WIPF1: variants seen among roughly 807,000 people sequenced by gnomAD.
WIPF1 encodes WAS/WASL interacting protein family member 1, also known as WAS/WASL-interacting protein family member 1.
Under a neutral mutation model 35.4 loss-of-function variants are expected in WIPF1, and 13 were observed. The observed-to-expected ratio is 0.37, with a 90% CI of 0.24 to 0.58. The LOEUF (loss-of-function observed/expected upper bound fraction) is 0.58, where lower values mean the gene tolerates loss of function less well. Ranked by LOEUF, WIPF1 falls within the 20% of genes least tolerant of loss-of-function variation. WIPF1 has a pLI of 0.74. For missense variants in WIPF1, 591 were observed against 667.0 expected (o/e 0.89, Z 1.25); for synonymous variants, 267 against 266.3 (o/e 1.00, Z -0.02).
intron 1 of WIPF1, chr2:174,587,763 TCA>T (rs1353916495): frequency 1.3e-5 from 2 of 152,256 alleles, no homozygotes; most frequent in Non-Finnish European, 2.9e-5. Flanking sequence ...AGCAATTCAT[TCA>T]GTCATGTCCT....
At chr2:174,666,687 T>C (rs1687899070) in intron 1 of WIPF1, among the ~76,000 whole-genome samples, 1 of 152,248 alleles carries the variant, frequency 6.6e-6, no homozygotes, top group African/African-American at 2.4e-5. Flanking sequence ...AGCCACTTTC[T>C]GCATCATCCA....
chr2:174,588,157 G>A (rs886089420), intron 1 of WIPF1, among the ~76,000 whole-genome samples: 7 of 152,188 alleles, frequency 4.6e-5, no homozygotes, highest in Admixed American at 3.9e-4. Context: ...AAAGATGCTG[G>A]AGCCAAATCA....
Position 174,632,506 on chromosome 2 carries a change from T to C in WIPF1, c.-38-46895A>G, listed in dbSNP as rs4972702. 3.7e-3 allele frequency among the ~76,000 whole-genome samples: 556 copies of C among 151,938 alleles called. 11 individuals carry two copies. Among genetic ancestry groups the C allele is most frequent in the Admixed American group, 0.034 (523 of 15,254 alleles). ...GGGCGGATCACCTGAGGTCAGGAGT[T>C]CAAGACCAGCCTGACCAACACGGTG... On this transcript the variant is annotated intron_variant, in intron 1 of 8. Coordinates refer to the WIPF1 transcript ENST00000272746.
At chr2:174,653,404 C>A (rs1687573514) in intron 1 of WIPF1, among the ~76,000 whole-genome samples, 1 of 152,076 alleles carries the variant, frequency 6.6e-6, no homozygotes. Context: ...GTACCTCTTA[C>A]CTAGGAATCC....
chr2:174,580,388 C>A (rs1191571058), intron 3 of WIPF1, among the ~76,000 whole-genome samples: 1 of 152,242 alleles, frequency 6.6e-6, no homozygotes, highest in Non-Finnish European at 1.5e-5. Flanking sequence ...TCTGATCCTT[C>A]TTCTTCCTTC....
chr2:174,621,984 C>G (rs759880661), intron 1 of WIPF1, among the ~76,000 whole-genome samples: 1 of 152,148 alleles, frequency 6.6e-6, no homozygotes, highest in Non-Finnish European at 1.5e-5. Context: ...CCGCTGGGCC[C>G]TCCAAATCAC....
chr2:174,612,483 ATAAT>A (rs1418480869), intron 1 of WIPF1, among the ~76,000 whole-genome samples: 10 of 152,186 alleles, frequency 6.6e-5, no homozygotes, highest in African/African-American at 2.2e-4. Flanking sequence ...AAATCCTATT[ATAAT>A]TAATATACTT....
chr2:174,561,499 A>G lies in WIPF1; in HGVS notation c.*1048T>C, dbSNP rs1684482866. On this transcript the variant is annotated 3_prime_UTR_variant, in exon 8 of 8. Transcript: ENST00000679041. ...GCCCAGAAGTCCCGACAGGCTTTCCATTTGTTTCCAATGGCTTTATTCCAC... is the reference window on the plus strand; with the variant it reads ...GCCCAGAAGTCCCGACAGGCTTTCCGTTTGTTTCCAATGGCTTTATTCCAC... The G allele has an allele frequency of 6.6e-6, 1 of 152,534 alleles. No homozygotes were observed. Among genetic ancestry groups the G allele is most frequent in the East Asian group, 1.9e-4 (1 of 5,198 alleles). 9.4% of individuals were successfully genotyped at this position (152,534 alleles called of 1,614,324 possible). A position where few individuals can be genotyped will look rare whatever the true frequency, so the allele number is the denominator to read the frequency against.
At chr2:174,608,750 T>C (rs1686252148) in intron 1 of WIPF1, among the ~76,000 whole-genome samples, 2 of 152,162 alleles carry the variant, frequency 1.3e-5, no homozygotes, top group Non-Finnish European at 2.9e-5. Context: ...TTCCCTATGG[T>C]TGCTAATCAT....
intron 1 of WIPF1, among the ~76,000 whole-genome samples, chr2:174,668,448 C>T (rs1687939568): frequency 6.6e-6 from 1 of 150,480 alleles, no homozygotes; most frequent in South Asian, 2.1e-4. Flanking sequence ...TATTATATTC[C>T]TTCTCTACCA....
intron 7 of WIPF1, among the ~76,000 whole-genome samples, chr2:174,565,058 G>A (rs1233305485): frequency 6.6e-6 from 1 of 151,934 alleles, no homozygotes; most frequent in Non-Finnish European, 1.5e-5. Context: ...CCTATGCCCG[G>A]CTAATTTTGT....
At chr2:174,576,243 A>AAAAAAAAAAAAC (rs1559149036) in intron 3 of WIPF1, among the ~76,000 whole-genome samples, 1 of 150,348 alleles carries the variant, frequency 6.7e-6, no homozygotes, top group African/African-American at 2.5e-5. Context: ...AAAAAAAAAA[A>AAAAAAAAAAAAC]AAAAAACACT....
chr2:174,635,523 C>CTGTT (rs1283278570), intron 1 of WIPF1, among the ~76,000 whole-genome samples: 5 of 137,006 alleles, frequency 3.6e-5, no homozygotes, highest in Admixed American at 7.8e-5. Context: ...CTGGTGCCTT[C>CTGTT]TGTTTGTTTT....
chr2:174,637,695 G>A (rs1188060551), intron 1 of WIPF1, among the ~76,000 whole-genome samples: 1 of 152,248 alleles, frequency 6.6e-6, no homozygotes, highest in East Asian at 1.9e-4. Flanking sequence ...GCTGAGGCAG[G>A]AGAACGGTGT....
At chr2:174,598,085 A>G (rs577398002), upstream of WIPF1, 1 of 152,314 alleles carries the variant, frequency 6.6e-6, no homozygotes, top group South Asian at 2.1e-4. Flanking sequence ...TAGGAAAATT[A>G]TATTTGAAAG....
At chr2:174,633,637 G>GT (rs1687094934) in intron 1 of WIPF1, among the ~76,000 whole-genome samples, 1 of 152,222 alleles carries the variant, frequency 6.6e-6, no homozygotes, top group Non-Finnish European at 1.5e-5. Context: ...TAATTAAACT[G>GT]TCCCTCATTG....
At chr2:174,661,481 G>A (rs890215450) in intron 1 of WIPF1, among the ~76,000 whole-genome samples, 3 of 151,830 alleles carry the variant, frequency 2.0e-5, no homozygotes, top group Admixed American at 6.6e-5. Flanking sequence ...TCAGCCTGAC[G>A]CACACTTCCC....
rs1006326750 is a variant in WIPF1, at chr2:174,622,623, T to C, written c.-38-37012A>G. Reference sequence around the variant, plus strand: ...AACTCACCGAATCCCCACTCTCCTATGAGCAGGCTGATGGTCACTGCTACC... The same window carrying C: ...AACTCACCGAATCCCCACTCTCCTACGAGCAGGCTGATGGTCACTGCTACC... On this transcript the variant is annotated intron_variant, in intron 1 of 8. Transcript: ENST00000272746. The surrounding 1 kb of genome is among the most constrained non-coding windows in gnomAD (Gnocchi z 5.1). Among the ~76,000 whole-genome samples, 8 of 152,348 alleles carry C rather than the reference T, an allele frequency of 5.3e-5. No homozygotes were observed. In the South Asian group the frequency reaches 1.0e-3, roughly 20 times the overall value.
chr2:174,572,107 C>A lies in WIPF1; in HGVS notation c.698G>T (p.Gly233Val), dbSNP rs372545449. 137 of 1,597,602 alleles carry A rather than the reference C, an allele frequency of 8.6e-5. No homozygotes were observed. Among genetic ancestry groups the A allele is most frequent in the Non-Finnish European group, 1.1e-4 (132 of 1,172,336 alleles). Residue 233 changes from glycine (G) to valine (V), a missense_variant, in exon 5 of 8, where the codon GGC becomes GTC. Transcript: ENST00000679041. ...GCTCAAGGGGGACTGACGTATTGAG[C>A]CTCCTCCCAAAGCAGTGCCGCGGTT... ...PGNRGTALGG[G>V]SIRQSPLSSS...
Sources: allele counts gnomAD v4.1 joint callset (sites outside exome capture counted in the v4.1 genomes callset), GRCh38; gene constraint gnomAD v4.1.1; non-coding constraint Gnocchi (gnomAD v3.1); transcripts MANE v1.5; gene names NCBI Gene and HGNC (gene_info 2026-07-23, HGNC 2026-07-21).